CPZ: variants seen among roughly 807,000 people sequenced by gnomAD.
The protein encoded by CPZ is VEZT/CPZ fusion.
A neutral mutation model predicts 61.8 loss-of-function variants in CPZ; 103 were observed. The observed-to-expected ratio is 1.67, with a 90% CI of 1.42 to 1.96. The LOEUF (loss-of-function observed/expected upper bound fraction) is 1.96, where lower values mean the gene tolerates loss of function less well. Among genes scored for constraint, CPZ ranks in the 30% most tolerant of loss-of-function variants. The pLI is 0.00. For missense variants in CPZ, 1,461 were observed against 914.9 expected (o/e 1.60, Z -7.70); for synonymous variants, 551 against 373.7 (o/e 1.47, Z -5.47).
intron 7 of CPZ, among the ~76,000 whole-genome samples, chr4:8,609,609 G>A (rs1715478633): frequency 1.3e-5 from 2 of 148,504 alleles, no homozygotes; most frequent in South Asian, 4.2e-4. Flanking sequence ...GTCCCCCTCT[G>A]CACAGGCCCA....
chr4:8,615,319 C>T (rs1205444290), intron 9 of CPZ, among the ~76,000 whole-genome samples: 2 of 152,162 alleles, frequency 1.3e-5, no homozygotes, highest in South Asian at 2.1e-4. Flanking sequence ...TGTCTGCTCC[C>T]CTTCCAGCAC....
rs370567541 is a variant in CPZ, at chr4:8,612,021, T to C, written c.1228-6T>C. On this transcript the variant is annotated splice_region_variant and splice_polypyrimidine_tract_variant and intron_variant, in intron 7 of 10. Coordinates refer to ENST00000360986, the MANE Select transcript of CPZ (RefSeq NM_001014447.3). ...TTTCCTTATCTGAGCCAGGTTTCTTTTCCAGATGTTCAAGCTGCTGTCCAG... is the reference window on the plus strand; with the variant it reads ...TTTCCTTATCTGAGCCAGGTTTCTTCTCCAGATGTTCAAGCTGCTGTCCAG... 7 of 1,613,772 alleles carry C rather than the reference T, an allele frequency of 4.3e-6. No individual in the cohort carries two copies. In the African/African-American group the frequency reaches 5.3e-5, roughly 12 times the overall value.
chr4:8,606,680 A>G (rs979396316), intron 5 of CPZ, 57 bp from the exon 6 acceptor site: 16 of 1,606,062 alleles, frequency 1.0e-5, no homozygotes, highest in Admixed American at 3.3e-5. Flanking sequence ...ACCCATCTGG[A>G]AGGAGGAGGG....
intron 7 of CPZ, among the ~76,000 whole-genome samples, chr4:8,608,545 G>T (rs1051856154): frequency 6.6e-6 from 1 of 152,148 alleles, no homozygotes; most frequent in Non-Finnish European, 1.5e-5. Flanking sequence ...AAACGGGACT[G>T]GTCCCTGCGC....
At chr4:8,618,550 C>T (rs751274195) in intron 10 of CPZ, 22 bp downstream of exon 10, 4 of 1,605,520 alleles carry the variant, frequency 2.5e-6, no homozygotes, top group Non-Finnish European at 3.4e-6. Flanking sequence ...CCTGGCTGTC[C>T]CCTGGGGACC....
intron 7 of CPZ, among the ~76,000 whole-genome samples, chr4:8,610,657 T>G (rs1310913559): frequency 1.6e-4 from 24 of 152,154 alleles, no homozygotes; most frequent in Admixed American, 1.6e-3. Flanking sequence ...TGTGATTCAT[T>G]CTTGATGGGA....
intron 1 of CPZ, among the ~76,000 whole-genome samples, chr4:8,594,663 C>G (rs1577105386): frequency 6.6e-6 from 1 of 152,208 alleles, no homozygotes; most frequent in Admixed American, 6.5e-5. Flanking sequence ...CGCTTTCAGA[C>G]CAGTGCTGTC....
chr4:8,607,016 G>C, intron 6 of CPZ, 118 bp downstream of exon 6: 1 of 1,235,210 alleles, frequency 8.1e-7, no homozygotes, highest in Non-Finnish European at 1.1e-6. Context: ...CTCCCTCCCT[G>C]CCTCAGTTAC....
intron 7 of CPZ, among the ~76,000 whole-genome samples, chr4:8,608,692 C>T (rs924735121): frequency 6.7e-6 from 1 of 149,940 alleles, no homozygotes; most frequent in Non-Finnish European, 1.5e-5. Flanking sequence ...GGGTGGGGAA[C>T]CCCCAGCCTG....
chr4:8,615,821 T>A lies in CPZ; in HGVS notation c.1503+1323T>A, dbSNP rs188263694. 1.6e-3 allele frequency among the ~76,000 whole-genome samples: 238 copies of A among 152,188 alleles called. 1 individual carries two copies. Among genetic ancestry groups the A allele is most frequent in the African/African-American group, 5.5e-3 (228 of 41,546 alleles). The stretch of plus-strand genomic sequence containing the variant: ...GAAAAATCAGGAACCTTCCTCCAAG[T>A]AAGAATCGAGCGAACTCCCTGGGGC... On this transcript the variant is annotated intron_variant, in intron 9 of 10. Coordinates refer to ENST00000360986, the MANE Select transcript of CPZ (RefSeq NM_001014447.3).
rs532031974 is a variant in CPZ, at chr4:8,615,945, C to T, written c.1503+1447C>T. Among the ~76,000 whole-genome samples, 6 of 152,366 alleles carry T rather than the reference C, an allele frequency of 3.9e-5. No individual in the cohort carries two copies. In the East Asian group the frequency reaches 1.2e-3, roughly 29 times the overall value. ...TTCTGATGGCTGTGCCGCAGCCCTGCACCACCTGTGGCGAGTCCCATTCTT... is the reference window on the plus strand; with the variant it reads ...TTCTGATGGCTGTGCCGCAGCCCTGTACCACCTGTGGCGAGTCCCATTCTT... On this transcript the variant is annotated intron_variant, in intron 9 of 10. Coordinates refer to ENST00000360986, the MANE Select transcript of CPZ (RefSeq NM_001014447.3).
chr4:8,614,305 G>A (rs867919989), intron 8 of CPZ, 54 bp from the exon 9 acceptor site: 40 of 1,567,346 alleles, frequency 2.6e-5, no homozygotes, highest in Non-Finnish European at 3.0e-5. Context: ...CTGACGTCCC[G>A]GCTGTCTCTG....
At chr4:8,604,234 G>T (rs1308775827) in intron 4 of CPZ, 46 bp downstream of exon 4, 5 of 1,473,404 alleles carry the variant, frequency 3.4e-6, no homozygotes, top group African/African-American at 1.4e-5. Flanking sequence ...TTCGGGAAAG[G>T]GCTTGGGCCG....
At chr4:8,614,542 G>C (rs766821544) in intron 9 of CPZ, 44 bp downstream of exon 9, 6 of 1,596,434 alleles carry the variant, frequency 3.8e-6, no homozygotes, top group Non-Finnish European at 5.1e-6. Flanking sequence ...CTGTGGCCTG[G>C]GTGGGGTGGG....
chr4:8,598,641 C>G (rs1050586300), intron 1 of CPZ, among the ~76,000 whole-genome samples: 10 of 152,240 alleles, frequency 6.6e-5, no homozygotes, highest in Non-Finnish European at 1.0e-4. Context: ...CGTCCCAGCA[C>G]TAGCCGGGTT....
Position 8,614,456 on chromosome 4 carries a change from CT to C in CPZ, c.1462del (p.Trp488GlyfsTer9). 6.2e-7 allele frequency: 1 copy of C among 1,614,020 alleles called. No homozygotes were observed. The highest frequency in any genetic ancestry group is 8.5e-7 in the Non-Finnish European group (1 of 1,179,970). ...CCCCCGAGGAGGCCCTGTACATACT[CT>C]GGCAGCACAACAAGGAGTCACTCCT... ...FPPEEALYILWQHNKESLLNF... is the reference protein window; with the variant it reads ...FPPEEALYILXQHNKESLLNF... On this transcript the variant is annotated frameshift_variant, in exon 9 of 11. Coordinates refer to ENST00000360986, the MANE Select transcript of CPZ (RefSeq NM_001014447.3). LOFTEE classifies it high-confidence loss of function.
intron 9 of CPZ, among the ~76,000 whole-genome samples, chr4:8,616,278 G>C: frequency 6.6e-6 from 1 of 152,192 alleles, no homozygotes; most frequent in Non-Finnish European, 1.5e-5. Flanking sequence ...CATCACCTGG[G>C]GCGAGGGGAG....
chr4:8,599,112 C>G (rs540279127), intron 1 of CPZ, among the ~76,000 whole-genome samples: 1 of 152,378 alleles, frequency 6.6e-6, no homozygotes, highest in African/African-American at 2.4e-5. Flanking sequence ...TGCCCCAGCA[C>G]TCACAGATGC....
At chr4:8,609,080 A>ACTCACTCCCTCCCTCACTCACTCACCACT (rs1560297776) in intron 7 of CPZ, among the ~76,000 whole-genome samples, 2 of 17,490 alleles carry the variant, frequency 1.1e-4, no homozygotes, top group Admixed American at 1.3e-3. Context: ...CACCACTCAT[A>ACTCACTCCCTCCCTCACTCACTCACCACT]CATTCACCCA....
Sources: gnomAD v4.1 joint callset for allele counts (sites outside exome capture counted in the v4.1 genomes callset) on GRCh38, gnomAD v4.1.1 for gene constraint, MANE v1.5 for transcripts, NCBI Gene and HGNC (gene_info 2026-07-23, HGNC 2026-07-21) for gene names.